Variants in WWOX observed in about 807,000 individuals in gnomAD.
WWOX encodes the protein WW domain containing oxidoreductase, also known as WW domain-containing oxidoreductase.
Under a neutral mutation model 46.2 loss-of-function variants are expected in WWOX, and 69 were observed. The observed-to-expected ratio is 1.49, with a 90% CI of 1.23 to 1.82. The LOEUF (loss-of-function observed/expected upper bound fraction) is 1.82. Among genes scored for constraint, WWOX ranks in the 40% most tolerant of loss-of-function variants. The pLI, the probability that WWOX is intolerant of heterozygous loss-of-function variation, is 0.00. For synonymous variants in WWOX, 359 were observed against 202.6 expected (o/e 1.77, Z -6.56); for missense variants, 919 against 542.6 (o/e 1.69, Z -6.89).
chr16:78,794,297 C>T (rs377432183), intron 8 of WWOX, among the ~76,000 whole-genome samples: 1 of 152,146 alleles, frequency 6.6e-6, no homozygotes, highest in East Asian at 1.9e-4. Flanking sequence ...CTTCCAGAAC[C>T]ATGAGAAATA....
At chr16:78,518,520 C>T (rs1273469589) in intron 8 of WWOX, among the ~76,000 whole-genome samples, 1 of 152,080 alleles carries the variant, frequency 6.6e-6, no homozygotes, top group African/African-American at 2.4e-5. Flanking sequence ...CACGCCTGGC[C>T]CATAAATGTT....
intron 8 of WWOX, among the ~76,000 whole-genome samples, chr16:78,741,818 ACACTC>A (rs2049235023): frequency 6.6e-6 from 1 of 151,830 alleles, no homozygotes; most frequent in Admixed American, 6.6e-5. Flanking sequence ...CTGTGCCACT[ACACTC>A]CAGCCTGGGC....
chr16:78,404,017 A>G (rs1180899881), intron 6 of WWOX, among the ~76,000 whole-genome samples: 1 of 152,056 alleles, frequency 6.6e-6, no homozygotes, highest in Non-Finnish European at 1.5e-5. Flanking sequence ...CAGAAGAGCA[A>G]CTCCACCTAG....
At chr16:78,612,054 G>T (rs1047301892) in intron 8 of WWOX, among the ~76,000 whole-genome samples, 10 of 152,204 alleles carry the variant, frequency 6.6e-5, no homozygotes, top group Non-Finnish European at 1.5e-4. Context: ...ATCCTGGTGT[G>T]CACCTGGCAT....
At chr16:78,662,928 TGA>T (rs879502424) in intron 8 of WWOX, among the ~76,000 whole-genome samples, 1 of 152,172 alleles carries the variant, frequency 6.6e-6, no homozygotes, top group Non-Finnish European at 1.5e-5. Context: ...CAAGAATTGG[TGA>T]GAGAGACCGC....
intron 5 of WWOX, among the ~76,000 whole-genome samples, chr16:78,263,112 T>G (rs1332877488): frequency 1.3e-5 from 2 of 152,118 alleles, no homozygotes; most frequent in African/African-American, 4.8e-5. Flanking sequence ...ACATGGTGCG[T>G]GCCTGTAATC....
rs531022311 is a variant in WWOX at position 78,229,234 on chromosome 16, C to G, written c.516+64945C>G. Among the ~76,000 whole-genome samples the G allele has an allele frequency of 2.2e-4, 32 of 146,422 alleles. No homozygotes were observed. The South Asian group carries it at 6.9e-3, about 32-fold the overall frequency. On this transcript the variant is annotated intron_variant, in intron 5 of 8. Coordinates refer to ENST00000566780, the MANE Select transcript of WWOX (RefSeq NM_016373.4). ...CAGAAGGACTTTATAAATATTTTGCCTTTTTGAAGTATATACAAGAAATGA... is the reference window on the plus strand; with the variant it reads ...CAGAAGGACTTTATAAATATTTTGCGTTTTTGAAGTATATACAAGAAATGA...
At chr16:78,275,456 G>A (rs374858102) in intron 5 of WWOX, among the ~76,000 whole-genome samples, 4 of 152,210 alleles carry the variant, frequency 2.6e-5, no homozygotes, top group East Asian at 1.9e-4. Flanking sequence ...TGGTCCGTAC[G>A]CATCCCCTGC....
At chr16:78,414,962 T>G (rs2082765653) in intron 6 of WWOX, among the ~76,000 whole-genome samples, 1 of 151,980 alleles carries the variant, frequency 6.6e-6, no homozygotes, top group Admixed American at 6.6e-5. Context: ...AAAGTAACTT[T>G]ATAAAGAAAG....
At chr16:78,259,958 T>C (rs949666011) in intron 5 of WWOX, among the ~76,000 whole-genome samples, 2 of 151,354 alleles carry the variant, frequency 1.3e-5, no homozygotes, top group African/African-American at 4.9e-5. Flanking sequence ...GATAAAATCC[T>C]ATGCAGTTTA....
chr16:78,545,042 A>T (rs886808376), intron 8 of WWOX, among the ~76,000 whole-genome samples: 1 of 152,082 alleles, frequency 6.6e-6, no homozygotes, highest in African/African-American at 2.4e-5. Context: ...AAAGAGAGAG[A>T]GATTATTTCT....
At chr16:78,363,188 G>A (rs1011571416) in intron 5 of WWOX, among the ~76,000 whole-genome samples, 3 of 152,144 alleles carry the variant, frequency 2.0e-5, no homozygotes, top group Admixed American at 1.3e-4. Context: ...TCACCGTGCT[G>A]TGTGAATTGT....
chr16:78,293,991 A>AC (rs1567482442), intron 5 of WWOX, among the ~76,000 whole-genome samples: 38 of 148,296 alleles, frequency 2.6e-4, no homozygotes, highest in South Asian at 6.4e-4. Context: ...AAAAAAAAAA[A>AC]AAAAAAAAAA....
chr16:78,884,980 C>A (rs566212121), intron 8 of WWOX, among the ~76,000 whole-genome samples: 1 of 152,262 alleles, frequency 6.6e-6, no homozygotes, highest in African/African-American at 2.4e-5. Flanking sequence ...GAGACCCCAC[C>A]AAGCCATCTA....
intron 8 of WWOX, among the ~76,000 whole-genome samples, chr16:79,196,781 A>T (rs939702020): frequency 1.1e-4 from 16 of 151,680 alleles, no homozygotes; most frequent in African/African-American, 3.9e-4. Context: ...TGTTGTAGAG[A>T]TGTTCTATTT....
chr16:78,781,416 AG>A (rs928156777), intron 8 of WWOX, among the ~76,000 whole-genome samples: 52 of 152,234 alleles, frequency 3.4e-4, no homozygotes, highest in African/African-American at 1.2e-3. Flanking sequence ...TCCCACCTCT[AG>A]CCCACCCTCT....
In WWOX at chr16:79,210,460, T is replaced by G. The variant is rs1328427814; in HGVS notation, c.1057-1148T>G. On this transcript the variant is annotated intron_variant, in intron 8 of 8. Transcript: ENST00000566780. ...GCAGGGGCAGAAAAATGATAAGCTT[T>G]GGGTCGGGTCGGAAAGCCATTTCCC... is the stretch of plus-strand genomic sequence containing the variant. Among the ~76,000 whole-genome samples, 13 of 152,244 alleles carry G rather than the reference T, an allele frequency of 8.5e-5. No homozygotes were observed. The East Asian group carries it at 2.1e-3, about 25-fold the overall frequency.
chr16:78,934,956 C>T (rs184768422), intron 8 of WWOX, among the ~76,000 whole-genome samples: 13 of 152,244 alleles, frequency 8.5e-5, no homozygotes, highest in Non-Finnish European at 1.9e-4. Context: ...AAACATTAGA[C>T]ACTTTTCAAA....
At chr16:78,355,560 C>A in intron 5 of WWOX, 4 of 449,848 alleles carry the variant, frequency 8.9e-6, no homozygotes, top group Non-Finnish European at 1.8e-5. Flanking sequence ...CAGCAAACTA[C>A]CAACACTGTG....
Sources: allele counts gnomAD v4.1 joint callset (sites outside exome capture counted in the v4.1 genomes callset), GRCh38; gene constraint gnomAD v4.1.1; transcripts MANE v1.5; gene names NCBI Gene and HGNC (gene_info 2026-07-23, HGNC 2026-07-21).